Variants in ROS1 observed in about 807,000 individuals in gnomAD.
ROS1 encodes the protein proto-oncogene tyrosine-protein kinase ROS.
ROS1 carries 263 observed loss-of-function variants against 273.5 expected under a neutral mutation model. That is an observed-to-expected ratio of 0.96 (90% CI 0.87 to 1.06). The LOEUF (loss-of-function observed/expected upper bound fraction) is 1.06, where lower values mean the gene tolerates loss of function less well. Among genes scored for constraint, ROS1 ranks in the 50% least tolerant of loss-of-function variants. ROS1 has a pLI of 0.00. For missense variants in ROS1, 2,833 were observed against 2,751.1 expected, an observed-to-expected ratio of 1.03 and a Z score of -0.67; for synonymous variants, 1,008 against 954.1, an observed-to-expected ratio of 1.06 and a Z score of -1.04.
At chr6:117,419,021 G>A (rs535990433) in intron 1 of ROS1, among the ~76,000 whole-genome samples, 2 of 152,282 alleles carry the variant, frequency 1.3e-5, no homozygotes, top group South Asian at 4.1e-4. Flanking sequence ...TTATCTCTCT[G>A]GTCATAATTT....
chr6:117,403,184 G>T lies in ROS1; in HGVS notation c.559C>A (p.Leu187Ile), dbSNP rs771282907. The change falls in exon 7 of 44, where the codon CTC becomes ATC. Residue 187 changes from leucine to isoleucine, a missense_variant. Coordinates refer to ENST00000368507, the MANE Select transcript of ROS1 (RefSeq NM_001378902.1). ...VVWIFTAQLQ[L>I]YSPPSPSYRT... ...TAACTGGGACTTGGAGGGGAGTAGAGCTGCAGCTGCGCTGTGAAGATCCAA... is the reference window on the plus strand; with the variant it reads ...TAACTGGGACTTGGAGGGGAGTAGATCTGCAGCTGCGCTGTGAAGATCCAA... The T allele has an allele frequency of 1.4e-5, 23 of 1,613,450 alleles. No homozygotes were observed. In the Middle Eastern group the frequency reaches 4.9e-4, roughly 35 times the overall value.
At chr6:117,407,155 A>T (rs950331638) in intron 5 of ROS1, among the ~76,000 whole-genome samples, 20 of 152,212 alleles carry the variant, frequency 1.3e-4, no homozygotes, top group African/African-American at 3.4e-4. Context: ...AGCAAATCAG[A>T]ACAGCAAGAT....
At chr6:117,375,470 T>A (rs1781254361) in intron 18 of ROS1, among the ~76,000 whole-genome samples, 1 of 152,118 alleles carries the variant, frequency 6.6e-6, no homozygotes, top group African/African-American at 2.4e-5. Flanking sequence ...AAAGAAAACC[T>A]ACCTATTGGG....
chr6:117,373,466 T>C (rs892409486), intron 18 of ROS1, among the ~76,000 whole-genome samples: 1 of 152,220 alleles, frequency 6.6e-6, no homozygotes, highest in African/African-American at 2.4e-5. Context: ...AATTCGAGCA[T>C]GGCGCGGGCA....
At chr6:117,320,056 C>T (rs755603557) in intron 36 of ROS1, 26 bp from the exon 37 acceptor site, 1 of 1,607,504 alleles carries the variant, frequency 6.2e-7, no homozygotes, top group Non-Finnish European at 8.5e-7. Flanking sequence ...ATTTTTGTCT[C>T]CCCACCCTCC....
chr6:117,303,740 A>C (rs1161156705), intron 42 of ROS1, among the ~76,000 whole-genome samples: 1 of 152,164 alleles, frequency 6.6e-6, no homozygotes, highest in Non-Finnish European at 1.5e-5. Context: ...GTGGACTATA[A>C]ATTATAAAGG....
intron 28 of ROS1, 152 bp downstream of exon 28, chr6:117,343,908 G>T (rs1015917758): frequency 3.1e-6 from 2 of 635,952 alleles, no homozygotes; most frequent in South Asian, 2.0e-5. Flanking sequence ...AAGAAAACTA[G>T]AACACAATAT....
At chr6:117,354,808 T>C (rs1779166320) in intron 26 of ROS1, among the ~76,000 whole-genome samples, 2 of 152,198 alleles carry the variant, frequency 1.3e-5, no homozygotes, top group Non-Finnish European at 2.9e-5. Flanking sequence ...GTTAAAATGG[T>C]AAGAAAGACT....
chr6:117,383,332 C>T lies in ROS1; in HGVS notation c.2466G>A (p.Trp822Ter). The change falls in exon 17 of 44, where the codon TGG (tryptophan) becomes TGA (stop). Residue 822 changes from tryptophan (W) to a stop codon, truncating the protein, a stop_gained. Coordinates refer to ENST00000368507, the MANE Select transcript of ROS1 (RefSeq NM_001378902.1). LOFTEE classifies it high-confidence loss of function. ...ESSLVLQTQP[W>*]FSGKKVIALT... ...AATTTGTCACCTTTTTCCCAGAAAA[C>T]CAAGGCTGTGTCTGTAGTACAAGGG... The T allele has an allele frequency of 6.2e-7, 1 of 1,612,568 alleles. No individual in the cohort carries two copies. Among genetic ancestry groups the T allele is most frequent in the Non-Finnish European group, 8.5e-7 (1 of 1,178,974 alleles).
chr6:117,319,711 T>C (rs950270523), intron 37 of ROS1, among the ~76,000 whole-genome samples, 157 bp downstream of exon 37: 1 of 152,198 alleles, frequency 6.6e-6, no homozygotes, highest in Non-Finnish European at 1.5e-5. Flanking sequence ...GGAAATGATT[T>C]TTTTTAAATG....
intron 17 of ROS1, among the ~76,000 whole-genome samples, chr6:117,379,946 C>T (rs1242098560): frequency 2.0e-5 from 3 of 152,028 alleles, no homozygotes; most frequent in Non-Finnish European, 4.4e-5. Flanking sequence ...TTTCTTGTTG[C>T]AATGTATATC....
chr6:117,353,241 T>C (rs1186448302), intron 26 of ROS1, 75 bp from the exon 27 acceptor site: 7 of 1,088,246 alleles, frequency 6.4e-6, no homozygotes. Flanking sequence ...ATGTATGAAA[T>C]TTTTTCTATA....
In ROS1 at chr6:117,383,360, CTT is replaced by C. The variant is rs1439697529; in HGVS notation, c.2436_2437del (p.Ser813PhefsTer24). The C allele has an allele frequency of 1.2e-6, 2 of 1,613,972 alleles. No homozygotes were observed. Among genetic ancestry groups the C allele is most frequent in the Non-Finnish European group, 1.7e-6 (2 of 1,179,954 alleles). ...AGGCTGTGTCTGTAGTACAAGGGAA[CTT>C]TCCCCATTTAGTCTGGTGCTTTCCA... On this transcript the variant is annotated frameshift_variant, in exon 17 of 44. Coordinates refer to ENST00000368507, the MANE Select transcript of ROS1 (RefSeq NM_001378902.1). LOFTEE classifies it high-confidence loss of function.
rs569422088 is a variant in ROS1 at position 117,423,041 on chromosome 6, T to G, written c.123+2493A>C. 1.1e-4 allele frequency among the ~76,000 whole-genome samples: 16 copies of G among 149,714 alleles called. No individual in the cohort carries two copies. The South Asian group carries it at 2.5e-3, about 24-fold the overall frequency. On this transcript the variant is annotated intron_variant, in intron 1 of 43. Coordinates refer to ENST00000368507, the MANE Select transcript of ROS1 (RefSeq NM_001378902.1). The stretch of plus-strand genomic sequence containing the variant: ...TTGTTAATTCAAAAAAAAAAGGGGG[T>G]TTGTGATGTAATTCAGGAATGGAAA...
chr6:117,373,393 T>G (rs1781030667), intron 18 of ROS1, among the ~76,000 whole-genome samples: 2 of 152,364 alleles, frequency 1.3e-5, no homozygotes, highest in South Asian at 4.1e-4. Context: ...ACGGGGGGAC[T>G]TGGGCATGGC....
chr6:117,369,851 G>A (rs1045315809), intron 18 of ROS1, among the ~76,000 whole-genome samples: 1 of 151,802 alleles, frequency 6.6e-6, no homozygotes, highest in Non-Finnish European at 1.5e-5. Flanking sequence ...TAGGCATTAT[G>A]TGTGTGTGTG....
At chr6:117,326,534 A>T (rs2128582818) in intron 33 of ROS1, 120 bp from the exon 34 acceptor site, 1 of 586,612 alleles carries the variant, frequency 1.7e-6, no homozygotes, top group Non-Finnish European at 2.8e-6. Context: ...TTTACCCTTG[A>T]CCTCATTCCT....
rs1312698500 is a variant in ROS1 at position 117,326,434 on chromosome 6, C to A, written c.5349-20G>T. On this transcript the variant is annotated intron_variant, in intron 33 of 43. Coordinates refer to ENST00000368507, the MANE Select transcript of ROS1 (RefSeq NM_001378902.1). ...CTCTTTCTGCAAAAAATAATAAATACAGAAAATATACATGACAATATACCT... is the reference window on the plus strand; with the variant it reads ...CTCTTTCTGCAAAAAATAATAAATAAAGAAAATATACATGACAATATACCT... 2 of 1,395,428 alleles carry A rather than the reference C, an allele frequency of 1.4e-6. No homozygotes were observed. Among genetic ancestry groups the A allele is most frequent in the Admixed American group, 2.6e-5 (1 of 39,182 alleles). The allele number at this position is 1,395,428 out of a possible 1,614,324, so 86.4% of individuals were successfully genotyped here. A position where few individuals can be genotyped will look rare whatever the true frequency, so the allele number is the denominator to read the frequency against.
chr6:117,369,416 T>C (rs1780553563), intron 18 of ROS1, among the ~76,000 whole-genome samples: 1 of 152,012 alleles, frequency 6.6e-6, no homozygotes, highest in African/African-American at 2.4e-5. Flanking sequence ...TACTAAAAAA[T>C]ACAAAAAATT....
Sources: allele counts gnomAD v4.1 joint callset (sites outside exome capture counted in the v4.1 genomes callset), GRCh38; gene constraint gnomAD v4.1.1; transcripts MANE v1.5; gene names NCBI Gene and HGNC (gene_info 2026-07-23, HGNC 2026-07-21).